The following ZNF30 variants were observed in gnomAD, a reference collection of about 807,000 sequenced individuals.
The protein encoded by ZNF30 is zinc finger protein 30, also known as zinc finger protein 30 (KOX 28).
In ZNF30, 15 loss-of-function variants were observed where a neutral mutation model predicts 13.2. That is an observed-to-expected ratio of 1.13 (90% CI 0.76 to 1.75). The LOEUF (loss-of-function observed/expected upper bound fraction) is 1.75, where lower values mean the gene tolerates loss of function less well. Ranked by LOEUF, ZNF30 falls within the 40% of genes most tolerant of loss-of-function variation. ZNF30 has a pLI of 0.00. For missense variants in ZNF30, 726 were observed against 757.0 expected (o/e 0.96, Z 0.48); for synonymous variants, 223 against 256.6 (o/e 0.87, Z 1.25).
Position 34,943,240 on chromosome 19 carries a change from G to A in ZNF30, c.274G>A (p.Asp92Asn), listed in dbSNP as rs201194019. The change falls in exon 5 of 5, where the codon GAT becomes AAT. Residue 92 changes from aspartate (D) to asparagine (N), a missense_variant. Coordinates refer to ENST00000601142, the MANE Select transcript of ZNF30 (RefSeq NM_194325.3). ...TCTTTCAGATTTGCAGTTGGAAGAT[G>A]ATACAATCGGCTGTAAAGAAATGCC... is the stretch of plus-strand genomic sequence containing the variant. ...RWCTDLQLED[D>N]TIGCKEMPTS... 583 of 1,553,772 alleles carry A rather than the reference G, an allele frequency of 3.8e-4. 1 individual carries two copies. The highest frequency in any genetic ancestry group is 4.8e-4 in the Non-Finnish European group (548 of 1,150,062).
In ZNF30 at chr19:34,931,939, A is replaced by G. The variant is rs781176557; in HGVS notation, c.106A>G (p.Arg36Gly). The change falls in exon 3 of 5, where the codon AGG becomes GGG. Residue 36 changes from arginine to glycine, a missense_variant. Coordinates refer to ENST00000601142, the MANE Select transcript of ZNF30 (RefSeq NM_194325.3). ...QEWESLDSSQRGLYRDVMLEN... is the reference protein window; with the variant it reads ...QEWESLDSSQGGLYRDVMLEN... ...GTGGGAGAGTCTGGACTCTTCCCAGAGGGGCTTGTACAGAGATGTGATGTT... is the reference window on the plus strand; with the variant it reads ...GTGGGAGAGTCTGGACTCTTCCCAGGGGGGCTTGTACAGAGATGTGATGTT... The G allele has an allele frequency of 6.2e-6, 10 of 1,613,374 alleles. No homozygotes were observed. The highest frequency in any genetic ancestry group is 1.7e-5 in the Admixed American group (1 of 59,850).
rs367638438 is a variant in ZNF30, at chr19:34,944,453, C to G, written c.1487C>G (p.Ala496Gly). The G allele has an allele frequency of 3.5e-5, 56 of 1,613,094 alleles. No homozygotes were observed. The African/African-American group carries it at 5.1e-4, about 15-fold the overall frequency. ...GAATGTGGAAAGACTTTTAGTCGAG[C>G]CTCGTACCTTGTACAACATAGCAGA... ...CKECGKTFSR[A>G]SYLVQHSRIH... The change falls in exon 5 of 5, where the codon GCC becomes GGC. Residue 496 changes from alanine to glycine, a missense_variant. Physicochemically the swap from Ala to Gly is moderately conservative, Grantham distance 60. Coordinates refer to ENST00000601142, the MANE Select transcript of ZNF30 (RefSeq NM_194325.3).
chr19:34,943,741 C>T lies in ZNF30; in HGVS notation c.775C>T (p.Pro259Ser). ...TCAGAGTACTCACACTGGTGAAAAA[C>T]CCTTTGGGTGTGAGGAGTGTGGGAA... Reference protein sequence around the residue: ...RHQSTHTGEKPFGCEECGKAF... With the variant: ...RHQSTHTGEKSFGCEECGKAF... Residue 259 changes from proline to serine, a missense_variant, in exon 5 of 5, where the codon CCC becomes TCC. Pro to Ser is a moderately conservative substitution (Grantham distance 74). Coordinates refer to ENST00000601142, the MANE Select transcript of ZNF30 (RefSeq NM_194325.3). The T allele has an allele frequency of 6.2e-7, 1 of 1,613,892 alleles. No individual in the cohort carries two copies. The highest frequency in any genetic ancestry group is 8.5e-7 in the Non-Finnish European group (1 of 1,179,856).
At chr19:34,931,526 T>G (rs2012452247) in intron 2 of ZNF30, among the ~76,000 whole-genome samples, 1 of 152,212 alleles carries the variant, frequency 6.6e-6, no homozygotes, top group Admixed American at 6.5e-5. Context: ...ATATAGAGAC[T>G]AATTGTTTTT....
chr19:34,944,978 G>T lies in ZNF30; in HGVS notation c.*140G>T. 1.3e-6 allele frequency: 1 copy of T among 761,334 alleles called. No individual in the cohort carries two copies. 47.2% of individuals were successfully genotyped at this position (761,334 alleles called of 1,614,324 possible). A position where few individuals can be genotyped will look rare whatever the true frequency, so the allele number is the denominator to read the frequency against. On this transcript the variant is annotated 3_prime_UTR_variant, in exon 5 of 5. Coordinates refer to ENST00000601142, the MANE Select transcript of ZNF30 (RefSeq NM_194325.3). ...ATCTTATAATTCATAATATAACTCA[G>T]AAAACATAAGAATATTCCTTTGTCA...
intron 3 of ZNF30, 53 bp downstream of exon 3, chr19:34,932,046 C>T (rs1342419090): frequency 8.9e-6 from 13 of 1,462,088 alleles, no homozygotes; most frequent in African/African-American, 2.9e-5. Context: ...TATACTTTCT[C>T]CTTTGCAGAT....
upstream of ZNF30, among the ~76,000 whole-genome samples, chr19:34,924,934 C>T (rs2012009857): frequency 1.3e-5 from 2 of 152,206 alleles, no homozygotes; most frequent in Admixed American, 6.5e-5. Flanking sequence ...TAAAAACTTG[C>T]TACTGCTGGT....
chr19:34,925,988 A>G (rs945618712), upstream of ZNF30, among the ~76,000 whole-genome samples: 2 of 152,166 alleles, frequency 1.3e-5, no homozygotes, highest in African/African-American at 2.4e-5. Flanking sequence ...CCTGGGCAAG[A>G]TGGCAAAACC....
At chr19:34,928,726 G>T (rs1246011051) in intron 1 of ZNF30, among the ~76,000 whole-genome samples, 2 of 151,908 alleles carry the variant, frequency 1.3e-5, no homozygotes, top group East Asian at 1.9e-4. Flanking sequence ...CCAGCTACTT[G>T]GGAGGCTCCC....
intron 3 of ZNF30, among the ~76,000 whole-genome samples, chr19:34,932,915 G>A (rs2012531999): frequency 1.3e-5 from 2 of 151,294 alleles, no homozygotes; most frequent in Admixed American, 6.6e-5. Flanking sequence ...CTAGTAGCTG[G>A]GATTATAAGC....
chr19:34,938,193 C>T (rs1011428382), intron 4 of ZNF30, among the ~76,000 whole-genome samples: 2 of 152,034 alleles, frequency 1.3e-5, no homozygotes, highest in South Asian at 4.1e-4. Context: ...GGAGGCAAGG[C>T]AGTGCCAAGA....
At chr19:34,933,529 A>G (rs1288757053) in intron 3 of ZNF30, 99 bp from the exon 4 acceptor site, 1 of 799,832 alleles carries the variant, frequency 1.3e-6, no homozygotes, top group South Asian at 1.5e-5. Flanking sequence ...ATAAAGGTCA[A>G]TATCGTTTGA....
intron 4 of ZNF30, among the ~76,000 whole-genome samples, chr19:34,939,146 C>CCTCCCCTCCCTCCCCTCCCTCCG (rs2012901208): frequency 1.0e-5 from 1 of 97,278 alleles, no homozygotes; most frequent in Non-Finnish European, 1.9e-5. Flanking sequence ...CCTCCCCTCC[C>CCTCCCCTCCCTCCCCTCCCTCCG]CTCCCCTCCC....
chr19:34,930,833 A>C (rs1287534425), intron 2 of ZNF30, among the ~76,000 whole-genome samples: 1 of 152,112 alleles, frequency 6.6e-6, no homozygotes, highest in Non-Finnish European at 1.5e-5. Flanking sequence ...ACTGCACTAC[A>C]GACTGGGCAA....
intron 4 of ZNF30, chr19:34,942,700 G>T (rs76732057): frequency 0.063 from 75,380 of 1,196,932 alleles, 2,748 homozygotes; most frequent in East Asian, 0.15. Flanking sequence ...GAACGTCAAG[G>T]TGCTAAAAGG....
Position 34,937,642 on chromosome 19 carries a change from G to T in ZNF30, c.256+3919G>T, listed in dbSNP as rs551434329. On this transcript the variant is annotated intron_variant, in intron 4 of 4. Transcript: ENST00000601142. ...CTAGCTACTCATGAGGCTGATGCAGGAAAACTGCTTGAACCTAGGAGTTCG... is the reference window on the plus strand; with the variant it reads ...CTAGCTACTCATGAGGCTGATGCAGTAAAACTGCTTGAACCTAGGAGTTCG... Among the ~76,000 whole-genome samples, 29 of 151,980 alleles carry T rather than the reference G, an allele frequency of 1.9e-4. No individual in the cohort carries two copies. The South Asian group carries it at 6.0e-3, about 32-fold the overall frequency.
chr19:34,936,467 G>T (rs1000483398), intron 4 of ZNF30, among the ~76,000 whole-genome samples: 3 of 152,206 alleles, frequency 2.0e-5, no homozygotes, highest in Non-Finnish European at 4.4e-5. Context: ...AGGGCAAGTT[G>T]CAGGGCAGAT....
intron 1 of ZNF30, among the ~76,000 whole-genome samples, chr19:34,929,068 G>C (rs932380130): frequency 6.6e-6 from 1 of 152,142 alleles, no homozygotes; most frequent in Non-Finnish European, 1.5e-5. Flanking sequence ...GGATCACGAA[G>C]TCAGGAGATG....
At chr19:34,932,685 C>T (rs965251342) in intron 3 of ZNF30, among the ~76,000 whole-genome samples, 5 of 151,944 alleles carry the variant, frequency 3.3e-5, no homozygotes, top group East Asian at 1.9e-4. Flanking sequence ...AAGTGAGTTA[C>T]GCAAGATCAC....
Sources: allele counts gnomAD v4.1 joint callset (sites outside exome capture counted in the v4.1 genomes callset), GRCh38; gene constraint gnomAD v4.1.1; transcripts MANE v1.5; gene names NCBI Gene and HGNC (gene_info 2026-07-23, HGNC 2026-07-21).